LIMCH1: variants seen among roughly 807,000 people sequenced by gnomAD.
LIMCH1 encodes LIM and calponin homology domains 1.
In LIMCH1, 113 loss-of-function variants were observed where a neutral mutation model predicts 176.5. The observed-to-expected ratio is 0.64, with a 90% CI of 0.55 to 0.75. The LOEUF (loss-of-function observed/expected upper bound fraction) is 0.75. Ranked by LOEUF, LIMCH1 falls within the 30% of genes least tolerant of loss-of-function variation. The pLI, the probability that LIMCH1 is intolerant of heterozygous loss-of-function variation, is 0.00. For synonymous variants in LIMCH1, 619 were observed against 645.9 expected (o/e 0.96, Z 0.63); for missense variants, 1,674 against 1,814.9 (o/e 0.92, Z 1.41).
chr4:41,484,207 A>G (rs1415293794), intron 1 of LIMCH1, among the ~76,000 whole-genome samples: 2 of 152,212 alleles, frequency 1.3e-5, no homozygotes, highest in Admixed American at 6.5e-5. Context: ...CCATTAATTT[A>G]TTGAAAACCA....
At chr4:41,450,106 G>A (rs1435217826) in intron 1 of LIMCH1, among the ~76,000 whole-genome samples, 2 of 152,126 alleles carry the variant, frequency 1.3e-5, no homozygotes, top group Non-Finnish European at 1.5e-5. Flanking sequence ...TGGGGGTTAC[G>A]ACTTCATATG....
intron 26 of LIMCH1, 31 bp downstream of exon 26, chr4:41,682,491 T>C (rs757948378): frequency 1.9e-5 from 30 of 1,605,324 alleles, no homozygotes; most frequent in Non-Finnish European, 2.2e-5. Flanking sequence ...ACCATGAAAA[T>C]GTACAAAGCT....
At chr4:41,516,790 G>A (rs576775180) in intron 2 of LIMCH1, among the ~76,000 whole-genome samples, 61 of 152,222 alleles carry the variant, frequency 4.0e-4, no homozygotes, top group Non-Finnish European at 5.6e-4. Flanking sequence ...AATAAAAATT[G>A]GTCCATTTGT....
In LIMCH1 at chr4:41,626,859, G is replaced by T. The variant is rs1205776205; in HGVS notation, c.877G>T (p.Ala293Ser). The T allele has an allele frequency of 6.5e-7, 1 of 1,536,018 alleles. No individual in the cohort carries two copies. Among genetic ancestry groups the T allele is most frequent in the Non-Finnish European group, 8.7e-7 (1 of 1,146,932 alleles). The change falls in exon 8 of 32, where the codon GCA (alanine) becomes TCA (serine). Residue 293 changes from alanine (A) to serine (S), a missense_variant. Physicochemically the swap from Ala to Ser is moderately conservative, Grantham distance 99. Around this residue, in one of 3 missense-constraint regions of LIMCH1, gnomAD observed 655 missense variants for 692.2 expected, o/e 0.95. Coordinates refer to ENST00000503057, the MANE Select transcript of LIMCH1 (RefSeq NM_001330672.2). Reference sequence around the variant, plus strand: ...TGATCTTGAGAAGGATGACTTTGCTGCAAGGAGAGCAAGGATGAACCAAAC... The same window carrying T: ...TGATCTTGAGAAGGATGACTTTGCTTCAAGGAGAGCAAGGATGAACCAAAC... ...LPDLEKDDFA[A>S]RRARMNQTKP...
chr4:41,590,707 C>G (rs183974931), intron 1 of LIMCH1, among the ~76,000 whole-genome samples: 39 of 152,284 alleles, frequency 2.6e-4, no homozygotes, highest in African/African-American at 8.7e-4. Context: ...CCTTCTGGGT[C>G]AAACGTCCCC....
chr4:41,423,337 G>A (rs550719221), intron 1 of LIMCH1, among the ~76,000 whole-genome samples: 1 of 152,270 alleles, frequency 6.6e-6, no homozygotes, highest in Non-Finnish European at 1.5e-5. Context: ...ATGAAGTCTG[G>A]GAAAGAGTTT....
intron 1 of LIMCH1, among the ~76,000 whole-genome samples, chr4:41,412,579 A>G (rs1450187151): frequency 6.6e-6 from 1 of 152,230 alleles, no homozygotes; most frequent in Non-Finnish European, 1.5e-5. Context: ...ATATGTATGC[A>G]TGTGTATGGG....
chr4:41,609,667 A>G (rs1034327623), intron 4 of LIMCH1: 5 of 455,812 alleles, frequency 1.1e-5, no homozygotes, highest in Non-Finnish European at 1.8e-5. Flanking sequence ...TGAGTAAAAT[A>G]ATCCCAAAAT....
upstream of LIMCH1, among the ~76,000 whole-genome samples, chr4:41,535,954 T>C (rs533342638): frequency 6.6e-6 from 1 of 152,306 alleles, no homozygotes; most frequent in Non-Finnish European, 1.5e-5. Context: ...CCACTTGTTC[T>C]CCCTTATCTT....
At chr4:41,448,102 C>CT (rs1368681701) in intron 1 of LIMCH1, among the ~76,000 whole-genome samples, 1 of 152,052 alleles carries the variant, frequency 6.6e-6, no homozygotes, top group Admixed American at 6.6e-5. Context: ...GGGAGTAACA[C>CT]TTTAAAAAAA....
At chr4:41,663,103 T>C in intron 20 of LIMCH1, 119 bp downstream of exon 20, 1 of 943,444 alleles carries the variant, frequency 1.1e-6, no homozygotes, top group South Asian at 1.7e-5. Context: ...CTCATCTTTT[T>C]TCCTATCTTT....
intron 1 of LIMCH1, among the ~76,000 whole-genome samples, chr4:41,368,942 G>C (rs2053534278): frequency 6.6e-6 from 1 of 152,220 alleles, no homozygotes; most frequent in Non-Finnish European, 1.5e-5. Context: ...TCCACTCTTA[G>C]CAGGAAGGGG....
chr4:41,462,265 G>C (rs918371866), intron 1 of LIMCH1, among the ~76,000 whole-genome samples: 1 of 152,168 alleles, frequency 6.6e-6, no homozygotes, highest in African/African-American at 2.4e-5. Flanking sequence ...GGTCCCAGTT[G>C]ACTTGTATCC....
intron 1 of LIMCH1, among the ~76,000 whole-genome samples, chr4:41,475,736 A>G (rs1323111244): frequency 6.6e-6 from 1 of 152,084 alleles, no homozygotes; most frequent in African/African-American, 2.4e-5. Flanking sequence ...AAGGGGAGGG[A>G]GAGCATTAGG....
At position 41,662,894 on chromosome 4, in the gene LIMCH1, C is replaced by G; in HGVS notation, c.3201C>G (p.Pro1067=). ...CCTTTGTGGAATTTCCCTCCAGCCC[C>G]CAGCTGAAGAATGATGTGTCGGAAG... is the stretch of plus-strand genomic sequence containing the variant. ...TVAFVEFPSS[P]QLKNDVSEEK... The change falls in exon 20 of 32, where the codon CCC becomes CCG. Residue 1067 remains proline (P), a synonymous_variant. Coordinates refer to ENST00000503057, the MANE Select transcript of LIMCH1 (RefSeq NM_001330672.2). The G allele has an allele frequency of 6.2e-7, 1 of 1,613,986 alleles. No individual in the cohort carries two copies. The highest frequency in any genetic ancestry group is 8.5e-7 in the Non-Finnish European group (1 of 1,179,990).
intron 1 of LIMCH1, among the ~76,000 whole-genome samples, chr4:41,392,127 T>C (rs562787696): frequency 1.3e-5 from 2 of 152,294 alleles, no homozygotes; most frequent in Admixed American, 6.5e-5. Context: ...ACTGTTTTCT[T>C]AATAGGTATT....
At chr4:41,370,499 C>G (rs2053794440) in intron 1 of LIMCH1, among the ~76,000 whole-genome samples, 1 of 152,000 alleles carries the variant, frequency 6.6e-6, no homozygotes, top group Non-Finnish European at 1.5e-5. Flanking sequence ...AATAGCATCC[C>G]CTCTTCTTTT....
chr4:41,433,498 G>A (rs1036951545), intron 1 of LIMCH1, among the ~76,000 whole-genome samples: 5 of 152,018 alleles, frequency 3.3e-5, no homozygotes, highest in Non-Finnish European at 5.9e-5. Flanking sequence ...AGTTGGTGCC[G>A]GGGCTGGGCT....
At position 41,598,983 on chromosome 4, in the gene LIMCH1, G is replaced by T; in HGVS notation, c.-177G>T. 6.2e-7 allele frequency: 1 copy of T among 1,612,028 alleles called. No individual in the cohort carries two copies. Among genetic ancestry groups the T allele is most frequent in the South Asian group, 1.1e-5 (1 of 90,950 alleles). On this transcript the variant is annotated 5_prime_UTR_variant, in exon 2 of 32. Transcript: ENST00000503057. ...CGGCCTTAAAGAATCTCAACTTTTTGACCCGAGTGACCTCCAGGATACATC... is the reference window on the plus strand; with the variant it reads ...CGGCCTTAAAGAATCTCAACTTTTTTACCCGAGTGACCTCCAGGATACATC...
Sources: allele counts gnomAD v4.1 joint callset (sites outside exome capture counted in the v4.1 genomes callset), GRCh38; gene constraint gnomAD v4.1.1; regional missense constraint gnomAD v4.1.1; transcripts MANE v1.5; gene names NCBI Gene and HGNC (gene_info 2026-07-23, HGNC 2026-07-21).